Variants in GPR158 observed in about 807,000 individuals in gnomAD.
GPR158 encodes the protein metabotropic glycine receptor.
A neutral mutation model predicts 78.2 loss-of-function variants in GPR158; 30 were observed. The ratio of observed to expected loss-of-function variants is 0.38; its 90% CI spans 0.29 to 0.52. The LOEUF (loss-of-function observed/expected upper bound fraction) is 0.52. GPR158 is among the 20% of genes least tolerant of loss of function. The pLI, the probability that GPR158 is intolerant of heterozygous loss-of-function variation, is 0.83. For missense variants in GPR158, 1,463 were observed against 1,523.5 expected (o/e 0.96, Z 0.66); for synonymous variants, 581 against 591.1 (o/e 0.98, Z 0.25).
intron 2 of GPR158, among the ~76,000 whole-genome samples, chr10:25,260,308 T>C (rs754808090): frequency 6.6e-6 from 1 of 152,120 alleles, no homozygotes; most frequent in African/African-American, 2.4e-5. Context: ...TAATTTTGCA[T>C]ATATTATGAG....
intron 5 of GPR158, among the ~76,000 whole-genome samples, chr10:25,542,487 A>G (rs986531637): frequency 1.3e-5 from 2 of 152,098 alleles, no homozygotes; most frequent in Non-Finnish European, 2.9e-5. Context: ...TTCTGTCTCT[A>G]TCAATGTGTC....
chr10:25,329,978 T>G (rs1436677949), intron 2 of GPR158, among the ~76,000 whole-genome samples: 1 of 151,692 alleles, frequency 6.6e-6, no homozygotes, highest in East Asian at 1.9e-4. Flanking sequence ...CTCTGGAGAT[T>G]TCTACTCAGA....
intron 1 of GPR158, among the ~76,000 whole-genome samples, chr10:25,178,641 G>A (rs911508302): frequency 6.6e-6 from 1 of 152,174 alleles, no homozygotes; most frequent in South Asian, 2.1e-4. Flanking sequence ...GCCATTTAGT[G>A]TCTGGCTCTC....
rs780531921 is a variant in GPR158, at chr10:25,598,146, G to A, written c.2520G>A (p.Glu840=). 4 of 1,614,010 alleles carry A rather than the reference G, an allele frequency of 2.5e-6. No homozygotes were observed. The highest frequency in any genetic ancestry group is 2.2e-5 in the East Asian group (1 of 44,880). The change falls in exon 11 of 11, where the codon GAG becomes GAA. Residue 840 remains glutamate (E), a synonymous_variant. Coordinates refer to ENST00000376351, the MANE Select transcript of GPR158 (RefSeq NM_020752.3). Reference sequence around the variant, plus strand: ...GTAGCCTACCCACAGAAAGCCAAGAGGAGGAGACAACAGAAAATTCCACAC... The same window carrying A: ...GTAGCCTACCCACAGAAAGCCAAGAAGAGGAGACAACAGAAAATTCCACAC... ...ESSSLPTESQ[E]EETTENSTLE...
chr10:25,588,024 AAATGGGT>A (rs2130746863), intron 7 of GPR158, among the ~76,000 whole-genome samples: 1 of 152,342 alleles, frequency 6.6e-6, no homozygotes, highest in East Asian at 1.9e-4. Flanking sequence ...AAGATAGATA[AAATGGGT>A]TGTATAGATT....
chr10:25,406,798 A>G (rs1834522139), intron 3 of GPR158, among the ~76,000 whole-genome samples: 2 of 152,082 alleles, frequency 1.3e-5, no homozygotes, highest in Non-Finnish European at 2.9e-5. Flanking sequence ...TGACAATGTG[A>G]TAGTCATGAA....
At chr10:25,457,241 G>A (rs956570156) in intron 4 of GPR158, among the ~76,000 whole-genome samples, 10 of 137,364 alleles carry the variant, frequency 7.3e-5, no homozygotes, top group South Asian at 4.9e-4. Flanking sequence ...GTGATCCACC[G>A]GCCTTGGCCT....
At chr10:25,411,907 C>T (rs1834590525) in intron 3 of GPR158, among the ~76,000 whole-genome samples, 1 of 128,986 alleles carries the variant, frequency 7.8e-6, no homozygotes, top group African/African-American at 3.0e-5. Flanking sequence ...GCACTCCAGC[C>T]TGGGCGACAG....
At chr10:25,570,578 G>A (rs1438967217) in intron 6 of GPR158, among the ~76,000 whole-genome samples, 1 of 152,034 alleles carries the variant, frequency 6.6e-6, no homozygotes, top group African/African-American at 2.4e-5. Flanking sequence ...TTATTTTAAT[G>A]TTTTATCTTT....
intron 2 of GPR158, among the ~76,000 whole-genome samples, chr10:25,388,214 C>T (rs565591771): frequency 7.9e-5 from 12 of 152,310 alleles, no homozygotes; most frequent in East Asian, 1.9e-4. Flanking sequence ...ACAATAATGA[C>T]GGCAATCGTG....
chr10:25,242,577 G>A (rs1294947336), intron 2 of GPR158, among the ~76,000 whole-genome samples: 1 of 152,180 alleles, frequency 6.6e-6, no homozygotes, highest in Non-Finnish European at 1.5e-5. Flanking sequence ...CTTTGTGGGT[G>A]ACTTTTGGAT....
chr10:25,440,558 T>C (rs552644681), intron 4 of GPR158, among the ~76,000 whole-genome samples: 1 of 152,336 alleles, frequency 6.6e-6, no homozygotes, highest in African/African-American at 2.4e-5. Flanking sequence ...AAAGTTTAAG[T>C]TCAACAGAAA....
intron 6 of GPR158, among the ~76,000 whole-genome samples, chr10:25,553,342 T>C (rs1237086747): frequency 6.6e-6 from 1 of 152,178 alleles, no homozygotes; most frequent in Non-Finnish European, 1.5e-5. Context: ...CCTCTGACTT[T>C]GTATCTCTAG....
At chr10:25,178,334 A>G (rs182146775) in intron 1 of GPR158, among the ~76,000 whole-genome samples, 52 of 152,312 alleles carry the variant, frequency 3.4e-4, no homozygotes, top group African/African-American at 1.2e-3. Flanking sequence ...AGGGGTTGCT[A>G]TAAACAATGT....
Position 25,176,154 on chromosome 10 carries a change from G to T in GPR158, c.734G>T (p.Gly245Val). The T allele has an allele frequency of 6.3e-7, 1 of 1,574,924 alleles. No individual in the cohort carries two copies. Among genetic ancestry groups the T allele is most frequent in the Non-Finnish European group, 8.6e-7 (1 of 1,161,724 alleles). The change falls in exon 1 of 11, where the codon GGC becomes GTC. Residue 245 changes from glycine (G) to valine (V), a missense_variant. Transcript: ENST00000376351. The surrounding 1 kb of genome is among the most constrained non-coding windows in gnomAD (Gnocchi z 6.3). ...CGCGGCCCCAATCAGGGGCCCCGGG[G>T]CCTGGGCCACAGCTGGCGGCGCAAG... ...HRRGPNQGPR[G>V]LGHSWRRKDG...
At chr10:25,574,829 A>T (rs764816685) in intron 7 of GPR158, among the ~76,000 whole-genome samples, 6 of 152,110 alleles carry the variant, frequency 3.9e-5, no homozygotes, top group Non-Finnish European at 8.8e-5. Context: ...AGGTCGCAGT[A>T]AGCCGAGATC....
At chr10:25,369,961 G>GT in intron 2 of GPR158, among the ~76,000 whole-genome samples, 1 of 147,918 alleles carries the variant, frequency 6.8e-6, no homozygotes, top group East Asian at 2.0e-4. Context: ...GCGTAGAGGT[G>GT]TTTGTAGTAT....
intron 1 of GPR158, among the ~76,000 whole-genome samples, chr10:25,181,100 C>G (rs1325630064): frequency 6.6e-6 from 1 of 152,110 alleles, no homozygotes; most frequent in Non-Finnish European, 1.5e-5. Flanking sequence ...GAAAAATGAC[C>G]GTCTTGCTCT....
intron 2 of GPR158, among the ~76,000 whole-genome samples, chr10:25,274,879 G>T (rs1320696045): frequency 6.6e-6 from 1 of 152,106 alleles, no homozygotes; most frequent in East Asian, 1.9e-4. Flanking sequence ...TCTGACTTTT[G>T]TGTGTGCTAA....
Sources: allele counts gnomAD v4.1 joint callset (sites outside exome capture counted in the v4.1 genomes callset), GRCh38; gene constraint gnomAD v4.1.1; non-coding constraint Gnocchi (gnomAD v3.1); transcripts MANE v1.5; gene names NCBI Gene and HGNC (gene_info 2026-07-23, HGNC 2026-07-21).